The following CAT variants were observed in gnomAD, a reference collection of about 807,000 sequenced individuals.
CAT encodes catalase, also known as epididymis secretory sperm binding protein.
CAT carries 43 observed loss-of-function variants against 59.0 expected under a neutral mutation model. That is an observed-to-expected ratio of 0.73 (90% CI 0.57 to 0.94). The LOEUF (loss-of-function observed/expected upper bound fraction) is 0.94, where lower values mean the gene tolerates loss of function less well. Ranked by LOEUF, CAT falls within the 40% of genes least tolerant of loss-of-function variation. CAT has a pLI of 0.00. For synonymous variants in CAT, 218 were observed against 230.9 expected (o/e 0.94, Z 0.51); for missense variants, 664 against 682.9 (o/e 0.97, Z 0.31).
rs146568839 is a variant in CAT, at chr11:34,451,072, C to T, written c.323C>T (p.Pro108Leu). The T allele has an allele frequency of 1.0e-4, 166 of 1,611,990 alleles. No individual in the cohort carries two copies. Among genetic ancestry groups the T allele is most frequent in the Middle Eastern group, 3.3e-4 (2 of 6,056 alleles). ...TTTGAGCATATTGGAAAGAAGACTC[C>T]CATCGCAGTTCGGTTCTCCACTGTT... Reference protein sequence around the residue: ...KVFEHIGKKTPIAVRFSTVAG... With the variant: ...KVFEHIGKKTLIAVRFSTVAG... The change falls in exon 3 of 13, where the codon CCC (proline) becomes CTC (leucine). Residue 108 changes from proline (P) to leucine (L), a missense_variant. Transcript: ENST00000241052.
intron 7 of CAT, 71 bp downstream of exon 7, chr11:34,456,273 TCAAA>T (rs1856589444): frequency 3.1e-5 from 37 of 1,182,330 alleles, no homozygotes; most frequent in Non-Finnish European, 4.4e-5. Context: ...AAAAATCTAG[TCAAA>T]CAATTATAAT....
rs772126923 is a variant in CAT at position 34,461,403 on chromosome 11, C to T, written c.1195+14C>T. The T allele has an allele frequency of 1.9e-5, 31 of 1,613,962 alleles. No homozygotes were observed. In the South Asian group the frequency reaches 2.0e-4, roughly 10 times the overall value. On this transcript the variant is annotated intron_variant, in intron 9 of 12. Coordinates refer to ENST00000241052, the MANE Select transcript of CAT (RefSeq NM_001752.4). ...AGGACAATCAGGGTAGGCCTAAAGA[C>T]GTTGGGCTCCCCCTGCGTGGGCAGA... is the stretch of plus-strand genomic sequence containing the variant.
At chr11:34,442,060 G>T (rs748063729) in intron 1 of CAT, among the ~76,000 whole-genome samples, 1 of 152,176 alleles carries the variant, frequency 6.6e-6, no homozygotes, top group African/African-American at 2.4e-5. Context: ...TGGGTGTGCA[G>T]TGGTATCTCA....
At chr11:34,440,095 C>G (rs1856370378) in intron 1 of CAT, among the ~76,000 whole-genome samples, 1 of 152,184 alleles carries the variant, frequency 6.6e-6, no homozygotes, top group Admixed American at 6.5e-5. Flanking sequence ...AGGTCTTGCC[C>G]TGTTCCCTGG....
Position 34,471,443 on chromosome 11 carries a change from C to T in CAT, c.*10C>T, listed in dbSNP as rs1185363366. ...GAAGGCAAATCTGTGAGGCCGGGGC[C>T]CTGCACCTGTGCAGCGAAGCTTAGC... On this transcript the variant is annotated 3_prime_UTR_variant, in exon 13 of 13. Coordinates refer to ENST00000241052, the MANE Select transcript of CAT (RefSeq NM_001752.4). 1 of 1,612,606 alleles carries T rather than the reference C, an allele frequency of 6.2e-7. No individual in the cohort carries two copies. The highest frequency in any genetic ancestry group is 1.7e-5 in the Admixed American group (1 of 60,016).
chr11:34,453,823 G>A lies in CAT; in HGVS notation c.608G>A (p.Arg203Gln), dbSNP rs201484998. The change falls in exon 6 of 13, where the codon CGG becomes CAG. Residue 203 changes from arginine to glutamine, a missense_variant. By Grantham distance (43) the Arg-to-Gln change is conservative. Transcript: ENST00000241052. ...LHQVSFLFSD[R>Q]GIPDGHRHMN... ...TAGGTTTCTTTCTTGTTCAGTGATC[G>A]GGGGATTCCAGATGGACATCGCCAC... 48 of 1,613,266 alleles carry A rather than the reference G, an allele frequency of 3.0e-5. No individual in the cohort carries two copies. Among genetic ancestry groups the A allele is most frequent in the Non-Finnish European group, 3.6e-5 (42 of 1,179,316 alleles).
At chr11:34,445,583 C>T (rs1224136017) in intron 1 of CAT, among the ~76,000 whole-genome samples, 2 of 149,612 alleles carry the variant, frequency 1.3e-5, no homozygotes, top group Non-Finnish European at 3.0e-5. Flanking sequence ...CAAGAAGATG[C>T]CCTTGGCCCT....
intron 4 of CAT, 99 bp downstream of exon 4, chr11:34,452,306 GAA>G: frequency 8.6e-7 from 1 of 1,158,016 alleles, no homozygotes; most frequent in South Asian, 1.2e-5. Context: ...AAGGCAGAAA[GAA>G]AAGAATGCGA....
chr11:34,460,825 A>G (rs1273514858), intron 8 of CAT: 1 of 261,968 alleles, frequency 3.8e-6, no homozygotes, highest in Non-Finnish European at 7.5e-6. Context: ...TGTAAAGAGC[A>G]AATGATTGGT....
intron 6 of CAT, among the ~76,000 whole-genome samples, chr11:34,455,511 GC>G (rs1401632031): frequency 6.7e-6 from 1 of 149,578 alleles, no homozygotes; most frequent in Non-Finnish European, 1.5e-5. Flanking sequence ...AACTCTATGA[GC>G]TATGATTCTA....
At chr11:34,471,120 T>C in intron 12 of CAT, 79 bp downstream of exon 12, 1 of 1,220,470 alleles carries the variant, frequency 8.2e-7, no homozygotes. Context: ...CCACTTAGCA[T>C]TACAGTCTGC....
rs1402739745 is a variant in CAT, at chr11:34,441,820, A to C, written c.66+2741A>C. ...AAAATTAAAAATAAATAAAGCTGCTATAAAAATTCTTACATAAGTCTTTTT... is the reference window on the plus strand; with the variant it reads ...AAAATTAAAAATAAATAAAGCTGCTCTAAAAATTCTTACATAAGTCTTTTT... On this transcript the variant is annotated intron_variant, in intron 1 of 12. Transcript: ENST00000241052. Among the ~76,000 whole-genome samples, 6 of 152,180 alleles carry C rather than the reference A, an allele frequency of 3.9e-5. No homozygotes were observed. In the South Asian group the frequency reaches 1.0e-3, roughly 26 times the overall value.
At chr11:34,442,691 C>A (rs1856405793) in intron 1 of CAT, among the ~76,000 whole-genome samples, 1 of 152,166 alleles carries the variant, frequency 6.6e-6, no homozygotes, top group Non-Finnish European at 1.5e-5. Context: ...GCTCTGCTTC[C>A]CACAGTTATT....
In CAT at chr11:34,463,424, A is replaced by G. The variant is rs550670089; in HGVS notation, c.1196-681A>G. ...GAAGCTACAATGGAACAAAGTCATC[A>G]TTGTCAGTAAAGGAGAGATACCCTG... On this transcript the variant is annotated intron_variant, in intron 9 of 12. Transcript: ENST00000241052. Among the ~76,000 whole-genome samples the G allele has an allele frequency of 2.0e-5, 3 of 152,308 alleles. 1 individual carries two copies. The South Asian group carries it at 6.2e-4, about 32-fold the overall frequency.
chr11:34,455,940 T>A, intron 6 of CAT, 71 bp from the exon 7 acceptor site: 1 of 1,307,750 alleles, frequency 7.6e-7, no homozygotes, highest in Non-Finnish European at 1.1e-6. Flanking sequence ...AATCCTTCAA[T>A]GAATTACTGA....
intron 12 of CAT, 72 bp downstream of exon 12, chr11:34,471,113 C>T (rs1856768500): frequency 2.4e-6 from 3 of 1,262,248 alleles, no homozygotes; most frequent in Non-Finnish European, 3.5e-6. Context: ...TTAGTTACCA[C>T]TTAGCATTAC....
chr11:34,438,960 G>A lies in CAT; in HGVS notation c.-54G>A. The A allele has an allele frequency of 6.8e-7, 1 of 1,480,108 alleles. No individual in the cohort carries two copies. The highest frequency in any genetic ancestry group is 9.2e-7 in the Non-Finnish European group (1 of 1,081,402). 91.7% of individuals were successfully genotyped at this position (1,480,108 alleles called of 1,614,324 possible). On this transcript the variant is annotated 5_prime_UTR_variant, in exon 1 of 13. Transcript: ENST00000241052. ...ACAGGCAGATTTGCCTGCTGAGGGT[G>A]GAGACCCACGAGCCGAGGCCTCCTG... is the stretch of plus-strand genomic sequence containing the variant.
intron 11 of CAT, among the ~76,000 whole-genome samples, chr11:34,470,020 G>A (rs1203803118): frequency 6.6e-6 from 1 of 152,136 alleles, no homozygotes; most frequent in East Asian, 1.9e-4. Flanking sequence ...TTCTTTGACA[G>A]TAACTGTGTG....
At chr11:34,459,946 T>C (rs1856630035) in intron 8 of CAT, among the ~76,000 whole-genome samples, 1 of 152,208 alleles carries the variant, frequency 6.6e-6, no homozygotes, top group African/African-American at 2.4e-5. Flanking sequence ...TTTGAAATGA[T>C]GATAAGAGGG....
Sources: allele counts gnomAD v4.1 joint callset (sites outside exome capture counted in the v4.1 genomes callset), GRCh38; gene constraint gnomAD v4.1.1; transcripts MANE v1.5; gene names NCBI Gene and HGNC (gene_info 2026-07-23, HGNC 2026-07-21).